Variants in ALMS1 observed in about 807,000 individuals in gnomAD.
ALMS1 encodes ALMS1 centrosome and basal body associated protein.
In ALMS1, 271 loss-of-function variants were observed where a neutral mutation model predicts 352.2. The ratio of observed to expected loss-of-function variants is 0.77; its 90% CI spans 0.70 to 0.85. The LOEUF (loss-of-function observed/expected upper bound fraction) is 0.85, where lower values mean the gene tolerates loss of function less well. Ranked by LOEUF, ALMS1 falls within the 40% of genes least tolerant of loss-of-function variation. ALMS1 has a pLI of 0.00. For synonymous variants in ALMS1, 1,865 were observed against 1,761.2 expected (o/e 1.06, Z -1.48); for missense variants, 5,445 against 4,870.7 (o/e 1.12, Z -3.51).
rs1417025395 is a variant in ALMS1 at position 73,455,296 on chromosome 2, G to A, written c.7674+1G>A. 6.2e-7 allele frequency: 1 copy of A among 1,613,946 alleles called. No homozygotes were observed. The highest frequency in any genetic ancestry group is 1.1e-5 in the South Asian group (1 of 91,066). On this transcript the variant is annotated splice_donor_variant, in intron 9 of 22. Transcript: ENST00000613296. LOFTEE classifies it high-confidence loss of function. ...TGGAAGAACAACTGACTTGTCCAAG[G>A]TATAAAAGAAATCTGGAAATGAAGA...
chr2:73,540,068 G>T (rs1034420902), intron 12 of ALMS1, among the ~76,000 whole-genome samples: 1 of 152,160 alleles, frequency 6.6e-6, no homozygotes, highest in South Asian at 2.1e-4. Flanking sequence ...ACACATAATT[G>T]TCAGATTCAC....
At position 73,600,464 on chromosome 2, in the gene ALMS1, G is replaced by C. The variant is rs377541521; in HGVS notation, c.11669-214G>C. On this transcript the variant is annotated intron_variant, in intron 17 of 22. Transcript: ENST00000613296. ...TCTTTCCCTCTCATACCTAAAATGA[G>C]TTACAAATAAAACCCTTTCTTTTTT... Among the ~76,000 whole-genome samples, 11 of 152,210 alleles carry C rather than the reference G, an allele frequency of 7.2e-5. No individual in the cohort carries two copies. In the South Asian group the frequency reaches 1.2e-3, roughly 17 times the overall value.
chr2:73,496,569 C>T (rs1171633910), intron 10 of ALMS1, among the ~76,000 whole-genome samples: 4 of 143,706 alleles, frequency 2.8e-5, no homozygotes, highest in African/African-American at 9.8e-5. Flanking sequence ...TTTTGTTTCT[C>T]TACAGTAAAT....
chr2:73,480,697 G>T (rs1672681163), intron 9 of ALMS1, among the ~76,000 whole-genome samples: 3 of 150,592 alleles, frequency 2.0e-5, no homozygotes, highest in South Asian at 4.2e-4. Flanking sequence ...CACCAACAGT[G>T]TAAAAGTGTT....
intron 9 of ALMS1, among the ~76,000 whole-genome samples, chr2:73,486,345 A>T (rs1672846065): frequency 6.6e-6 from 1 of 152,130 alleles, no homozygotes; most frequent in African/African-American, 2.4e-5. Context: ...ATAGCACTTT[A>T]TCAGCCAGCA....
chr2:73,535,394 T>G (rs1674006716), intron 12 of ALMS1, among the ~76,000 whole-genome samples: 1 of 152,208 alleles, frequency 6.6e-6, no homozygotes, highest in South Asian at 2.1e-4. Context: ...AAAAAAAAAT[T>G]TGTTCATAAA....
Position 73,408,700 on chromosome 2 carries a change from G to A in ALMS1, c.403G>A (p.Val135Met). 1 of 1,613,488 alleles carries A rather than the reference G, an allele frequency of 6.2e-7. No homozygotes were observed. Among genetic ancestry groups the A allele is most frequent in the Non-Finnish European group, 8.5e-7 (1 of 1,179,778 alleles). ...NSRTQISDTN[V>M]VCLETTAQRG... ...TAGAACACAAATTTCTGATACTAAT[G>A]TGGTCTGTTTGGAAACAACAGCTCA... Residue 135 changes from valine to methionine, a missense_variant, in exon 2 of 23, where the codon GTG (valine) becomes ATG (methionine). Transcript: ENST00000613296.
chr2:73,465,710 A>C (rs1239710000), intron 9 of ALMS1, among the ~76,000 whole-genome samples: 3 of 151,346 alleles, frequency 2.0e-5, no homozygotes, highest in Non-Finnish European at 4.4e-5. Context: ...AAACCTACAA[A>C]ATGGGAGAAA....
Position 73,492,667 on chromosome 2 carries a change from T to G in ALMS1, c.9539+1169T>G, listed in dbSNP as rs186720414. On this transcript the variant is annotated intron_variant, in intron 10 of 22. Coordinates refer to ENST00000613296, the MANE Select transcript of ALMS1 (RefSeq NM_001378454.1). Reference sequence around the variant, plus strand: ...AAAGTTAGGGATTGAGATAATAGATTGGGGCAAAAAAACAAGGTCAATCTC... The same window carrying G: ...AAAGTTAGGGATTGAGATAATAGATGGGGGCAAAAAAACAAGGTCAATCTC... Among the ~76,000 whole-genome samples, 83 of 152,090 alleles carry G rather than the reference T, an allele frequency of 5.5e-4. No homozygotes were observed. The East Asian group carries it at 6.8e-3, about 12-fold the overall frequency.
intron 9 of ALMS1, among the ~76,000 whole-genome samples, chr2:73,465,533 C>T (rs1182007098): frequency 6.6e-6 from 1 of 152,166 alleles, no homozygotes; most frequent in Non-Finnish European, 1.5e-5. Context: ...ACTGTGAAAA[C>T]CCTAGAAGAA....
chr2:73,453,777 G>A lies in ALMS1; in HGVS notation c.7250G>A (p.Ser2417Asn). The A allele has an allele frequency of 6.2e-7, 1 of 1,614,136 alleles. No individual in the cohort carries two copies. The highest frequency in any genetic ancestry group is 8.5e-7 in the Non-Finnish European group (1 of 1,180,008). ...MMTVIKSDSS[S>N]DASDGNGSCS... ...ACTGTCATAAAAAGTGATTCAAGTA[G>A]TGATGCCAGTGATGGAAATGGTTCC... Residue 2417 changes from serine to asparagine, a missense_variant, in exon 8 of 23, where the codon AGT becomes AAT. Transcript: ENST00000613296.
intron 1 of ALMS1, among the ~76,000 whole-genome samples, chr2:73,392,937 C>G (rs973496829): frequency 2.0e-5 from 3 of 152,148 alleles, no homozygotes; most frequent in Non-Finnish European, 4.4e-5. Flanking sequence ...TCCAAAGTGG[C>G]CTTCCTATTA....
At chr2:73,486,666 G>A (rs900929556) in intron 9 of ALMS1, among the ~76,000 whole-genome samples, 4 of 152,154 alleles carry the variant, frequency 2.6e-5, no homozygotes, top group Admixed American at 6.5e-5. Flanking sequence ...GCTAATCTAC[G>A]TTCTTCTCTA....
In ALMS1 at chr2:73,449,102, G is replaced by C. The variant is rs2103775737; in HGVS notation, c.2575G>C (p.Ala859Pro). Reference sequence around the variant, plus strand: ...ACCAGCTGTAACCTCTACTTCCTCTGCGTCCTCTTCACTTGGAGAAAAGCC... The same window carrying C: ...ACCAGCTGTAACCTCTACTTCCTCTCCGTCCTCTTCACTTGGAGAAAAGCC... ...GTPAVTSTSS[A>P]SSSLGEKPSA... Residue 859 changes from alanine to proline, a missense_variant, in exon 8 of 23, where the codon GCG (alanine) becomes CCG (proline). Coordinates refer to ENST00000613296, the MANE Select transcript of ALMS1 (RefSeq NM_001378454.1). 3.7e-6 allele frequency: 6 copies of C among 1,613,778 alleles called. No homozygotes were observed. The highest frequency in any genetic ancestry group is 3.3e-5 in the South Asian group (3 of 91,076).
chr2:73,397,113 C>G (rs751641144), intron 1 of ALMS1, among the ~76,000 whole-genome samples: 22 of 152,192 alleles, frequency 1.4e-4, no homozygotes, highest in Non-Finnish European at 3.2e-4. Context: ...ATAAAACTTA[C>G]AGAAGCATGG....
At position 73,574,919 on chromosome 2, in the gene ALMS1, T is replaced by C. The variant is rs1303661696; in HGVS notation, c.11547+1495T>C. ...AACCCTGTACCCATTAAGCAGTGAC[T>C]CTCTGTTCCCTCTTCTCACCAGCCC... On this transcript the variant is annotated intron_variant, in intron 16 of 22. Transcript: ENST00000613296. Among the ~76,000 whole-genome samples the C allele has an allele frequency of 2.0e-5, 3 of 152,162 alleles. No homozygotes were observed. The East Asian group carries it at 5.8e-4, about 29-fold the overall frequency.
At chr2:73,533,686 A>G (rs1673967916) in intron 11 of ALMS1, among the ~76,000 whole-genome samples, 1 of 152,164 alleles carries the variant, frequency 6.6e-6, no homozygotes. Flanking sequence ...GACAGTTTCT[A>G]CCAATCATGA....
chr2:73,511,990 T>G (rs1287822240), intron 10 of ALMS1, among the ~76,000 whole-genome samples: 1 of 152,180 alleles, frequency 6.6e-6, no homozygotes, highest in Admixed American at 6.5e-5. Context: ...GTTATAACAT[T>G]TTGCATTTCC....
chr2:73,449,315 G>C lies in ALMS1; in HGVS notation c.2788G>C (p.Glu930Gln). ...CCTGCCAGACTTTCTTTTCCCTGAA[G>C]AAGCTCTGAAGGTTTCAGCTGTTTC... ...QTLPDFLFPE[E>Q]ALKVSAVSVL... The change falls in exon 8 of 23, where the codon GAA becomes CAA. Residue 930 changes from glutamate to glutamine, a missense_variant. By Grantham distance (29) the Glu-to-Gln change is conservative. Coordinates refer to ENST00000613296, the MANE Select transcript of ALMS1 (RefSeq NM_001378454.1). 6.2e-7 allele frequency: 1 copy of C among 1,614,016 alleles called. No individual in the cohort carries two copies. The highest frequency in any genetic ancestry group is 1.1e-5 in the South Asian group (1 of 91,068).
Sources: gnomAD v4.1 joint callset for allele counts (sites outside exome capture counted in the v4.1 genomes callset) on GRCh38, gnomAD v4.1.1 for gene constraint, MANE v1.5 for transcripts, NCBI Gene and HGNC (gene_info 2026-07-23, HGNC 2026-07-21) for gene names.